The following ESYT3 variants were observed in gnomAD, a reference collection of about 807,000 sequenced individuals.
ESYT3 encodes extended synaptotagmin 3.
A neutral mutation model predicts 111.5 loss-of-function variants in ESYT3; 101 were observed. The ratio of observed to expected loss-of-function variants is 0.91; its 90% CI spans 0.77 to 1.07. The LOEUF is 1.07. Ranked by LOEUF, ESYT3 falls within the 50% of genes least tolerant of loss-of-function variation. The probability of loss-of-function intolerance (pLI) is 0.00; values close to 1 mark genes in which losing one functional copy is unlikely to be tolerated. For synonymous variants in ESYT3, 416 were observed against 446.8 expected (o/e 0.93, Z 0.87); for missense variants, 1,097 against 1,109.4 (o/e 0.99, Z 0.16).
downstream of ESYT3, chr3:138,480,823 C>T (rs1013973316): frequency 6.6e-6 from 1 of 152,142 alleles, no homozygotes; most frequent in African/African-American, 2.4e-5. Flanking sequence ...GGTAGAAAGC[C>T]GCCTACTCAA....
chr3:138,439,501 T>G (rs1321211147), intron 1 of ESYT3, among the ~76,000 whole-genome samples: 1 of 152,144 alleles, frequency 6.6e-6, no homozygotes, highest in Non-Finnish European at 1.5e-5. Context: ...GGGGTAACCT[T>G]TGCTGCTTTG....
At position 138,470,190 on chromosome 3, in the gene ESYT3, T is replaced by C. The variant is rs1348049424; in HGVS notation, c.1590+44T>C. On this transcript the variant is annotated intron_variant, in intron 16 of 22. Coordinates refer to ENST00000389567, the MANE Select transcript of ESYT3 (RefSeq NM_031913.5). ...TCTTGAAACAGAGTTAAGAGGTTTT[T>C]AAGCCAGGCGGGCTGGGAAGCTTGA... 16 of 1,587,766 alleles carry C rather than the reference T, an allele frequency of 1.0e-5. No homozygotes were observed. In the Admixed American group the frequency reaches 2.7e-4, roughly 27 times the overall value.
chr3:138,460,637 G>A lies in ESYT3; in HGVS notation c.765G>A (p.Leu255=). The A allele has an allele frequency of 6.2e-7, 1 of 1,614,098 alleles. No homozygotes were observed. Among genetic ancestry groups the A allele is most frequent in the Admixed American group, 1.7e-5 (1 of 60,032 alleles). ...ACCTACAGATCAACTGGACTGGCCTGACCAACCTGCTGGATGCGCCGGGAA... is the reference window on the plus strand; with the variant it reads ...ACCTACAGATCAACTGGACTGGCCTAACCAACCTGCTGGATGCGCCGGGAA... The part of the protein sequence containing the change: ...KPHLQINWTG[L]TNLLDAPGIN... Residue 255 remains leucine, a synonymous_variant, in exon 7 of 23, where the codon CTG becomes CTA. Transcript: ENST00000389567.
chr3:138,444,324 G>A (rs1045954898), intron 1 of ESYT3, among the ~76,000 whole-genome samples: 15 of 152,182 alleles, frequency 9.9e-5, no homozygotes, highest in African/African-American at 3.1e-4. Flanking sequence ...CAGGTAGTGC[G>A]GGGAGGACAG....
chr3:138,473,289 T>C (rs923238038), intron 18 of ESYT3: 1 of 685,214 alleles, frequency 1.5e-6, no homozygotes, highest in East Asian at 3.1e-5. Flanking sequence ...TCATCCAAGG[T>C]CCCAAAAGGA....
chr3:138,462,147 G>A lies in ESYT3; in HGVS notation c.856G>A (p.Val286Met), dbSNP rs780072815. Residue 286 changes from valine (V) to methionine (M), a missense_variant, in exon 8 of 23, where the codon GTG (valine) becomes ATG (methionine). By Grantham distance (21) the Val-to-Met change is conservative. Coordinates refer to ENST00000389567, the MANE Select transcript of ESYT3 (RefSeq NM_031913.5). ...IATHLVLPNR[V>M]TVPVKKGLDL... ...CACCCACCTGGTGCTGCCCAACCGT[G>A]TGACTGTGCCTGTGAAGAAGGGGCT... 3 of 1,614,206 alleles carry A rather than the reference G, an allele frequency of 1.9e-6. No homozygotes were observed. Among genetic ancestry groups the A allele is most frequent in the South Asian group, 1.1e-5 (1 of 91,072 alleles).
intron 1 of ESYT3, among the ~76,000 whole-genome samples, chr3:138,439,358 C>A (rs1166125093): frequency 2.0e-5 from 3 of 152,112 alleles, no homozygotes; most frequent in Admixed American, 6.5e-5. Flanking sequence ...TTCTGTGGAA[C>A]CCCCTGCACC....
chr3:138,473,184 A>G (rs2033320934), intron 18 of ESYT3: 3 of 1,223,906 alleles, frequency 2.5e-6, no homozygotes, highest in Non-Finnish European at 3.1e-6. Flanking sequence ...GCTGTCATTT[A>G]TGAAGGGTTT....
At chr3:138,436,549 CT>C (rs1267513204) in intron 1 of ESYT3, among the ~76,000 whole-genome samples, 2 of 152,222 alleles carry the variant, frequency 1.3e-5, no homozygotes, top group African/African-American at 4.8e-5. Flanking sequence ...TTGCAAATAG[CT>C]TACATATTTG....
chr3:138,477,074 G>T lies in ESYT3; in HGVS notation c.*220G>T. On this transcript the variant is annotated 3_prime_UTR_variant, in exon 23 of 23. Transcript: ENST00000389567. Reference sequence around the variant, plus strand: ...AAGCAAGAACTACTTTTTTTGGTTGGATTTTTTTGTTCAAGTCCAGAAAGA... The same window carrying T: ...AAGCAAGAACTACTTTTTTTGGTTGTATTTTTTTGTTCAAGTCCAGAAAGA... The T allele has an allele frequency of 2.4e-6, 1 of 420,420 alleles. No homozygotes were observed. Among genetic ancestry groups the T allele is most frequent in the Non-Finnish European group, 4.2e-6 (1 of 238,082 alleles). The allele number at this position is 420,420 out of a possible 1,614,324, so 26.0% of individuals were successfully genotyped here.
At position 138,479,575 on chromosome 3, in the gene ESYT3, T is replaced by C. The variant is rs942220144; in HGVS notation, c.*2721T>C. Reference sequence around the variant, plus strand: ...CTCTATAGCAGGAAGAAGGGGCTTTTCTTCTGATGTTTTCCATGGCTGCTA... The same window carrying C: ...CTCTATAGCAGGAAGAAGGGGCTTTCCTTCTGATGTTTTCCATGGCTGCTA... On this transcript the variant is annotated 3_prime_UTR_variant, in exon 23 of 23. Coordinates refer to ENST00000389567, the MANE Select transcript of ESYT3 (RefSeq NM_031913.5). 1 of 152,220 alleles carries C rather than the reference T, an allele frequency of 6.6e-6. No individual in the cohort carries two copies. Among genetic ancestry groups the C allele is most frequent in the Non-Finnish European group, 1.5e-5 (1 of 68,046 alleles). The allele number at this position is 152,220 out of a possible 1,614,324, so 9.4% of individuals were successfully genotyped here.
Position 138,472,467 on chromosome 3 carries a change from C to T in ESYT3, c.1845C>T (p.Pro615=). ...AGAAAGTGGCTACCAACCAGGGTCC[C>T]AAAGCCCAACCTCAGGAAGAAGGCC... The part of the protein sequence containing the change: ...LIKKVATNQG[P]KAQPQEEGPT... The change falls in exon 18 of 23, where the codon CCC becomes CCT. Residue 615 remains proline (P), a synonymous_variant. Coordinates refer to ENST00000389567, the MANE Select transcript of ESYT3 (RefSeq NM_031913.5). 1 of 1,614,214 alleles carries T rather than the reference C, an allele frequency of 6.2e-7. No homozygotes were observed. Among genetic ancestry groups the T allele is most frequent in the Non-Finnish European group, 8.5e-7 (1 of 1,180,044 alleles).
chr3:138,457,780 G>A (rs987654688), intron 4 of ESYT3, 136 bp downstream of exon 4: 2 of 812,368 alleles, frequency 2.5e-6, no homozygotes, highest in Non-Finnish European at 4.1e-6. Context: ...CCTCCTCCCA[G>A]CTTCTCCCAT....
In ESYT3 at chr3:138,468,950, A is replaced by G. The variant is rs1255281700; in HGVS notation, c.1434+69A>G. 3 of 1,498,206 alleles carry G rather than the reference A, an allele frequency of 2.0e-6. No homozygotes were observed. The African/African-American group carries it at 4.1e-5, about 21-fold the overall frequency. The allele number at this position is 1,498,206 out of a possible 1,614,324, so 92.8% of individuals were successfully genotyped here. ...AGCTTCTCTCCCCAGAGTAACCACA[A>G]CCCCATGTCTTCTGGGCCACAGTCT... On this transcript the variant is annotated intron_variant, in intron 14 of 22. Coordinates refer to ENST00000389567, the MANE Select transcript of ESYT3 (RefSeq NM_031913.5).
intron 12 of ESYT3, 99 bp downstream of exon 12, chr3:138,468,293 C>A: frequency 9.1e-7 from 1 of 1,094,676 alleles, no homozygotes; most frequent in South Asian, 1.3e-5. Context: ...ATGCCCCCTT[C>A]TTGCTCACCT....
At chr3:138,448,612 C>T (rs1468175352) in intron 1 of ESYT3, among the ~76,000 whole-genome samples, 1 of 152,042 alleles carries the variant, frequency 6.6e-6, no homozygotes, top group Non-Finnish European at 1.5e-5. Flanking sequence ...GATGAAAATC[C>T]AGAGTAACTT....
chr3:138,457,773 CCTCCCAGCTT>C, intron 4 of ESYT3, 129 bp downstream of exon 4: 1 of 853,512 alleles, frequency 1.2e-6, no homozygotes, highest in South Asian at 1.5e-5. Flanking sequence ...ACCCTCCCCT[CCTCCCAGCTT>C]CTCCCATCCC....
At chr3:138,445,826 C>T (rs1193698915) in intron 1 of ESYT3, among the ~76,000 whole-genome samples, 1 of 152,164 alleles carries the variant, frequency 6.6e-6, no homozygotes, top group Non-Finnish European at 1.5e-5. Flanking sequence ...AGTATTGTAC[C>T]CATCTCGCAG....
At position 138,455,306 on chromosome 3, in the gene ESYT3, C is replaced by T. The variant is rs751414590; in HGVS notation, c.482C>T (p.Thr161Ile). ...KSIHLRTFTF[T>I]KLYFGQKCPR... ...ATCCACCTGAGGACCTTTACCTTTA[C>T]CAAGCTCTACTTTGGACAGAAGGTG... Residue 161 changes from threonine (T) to isoleucine (I), a missense_variant, in exon 3 of 23, where the codon ACC becomes ATC. Thr to Ile is a moderately conservative substitution (Grantham distance 89). Transcript: ENST00000389567. 1 of 1,614,114 alleles carries T rather than the reference C, an allele frequency of 6.2e-7. No homozygotes were observed. Among genetic ancestry groups the T allele is most frequent in the Non-Finnish European group, 8.5e-7 (1 of 1,180,012 alleles).
Sources: allele counts gnomAD v4.1 joint callset (sites outside exome capture counted in the v4.1 genomes callset), GRCh38; gene constraint gnomAD v4.1.1; transcripts MANE v1.5; gene names NCBI Gene and HGNC (gene_info 2026-07-23, HGNC 2026-07-21).